The following NCAPD3 variants were observed in gnomAD, a reference collection of about 807,000 sequenced individuals.
The protein encoded by NCAPD3 is condensin-2 complex subunit D3.
In NCAPD3, 105 loss-of-function variants were observed where a neutral mutation model predicts 182.9. The ratio of observed to expected loss-of-function variants is 0.57; its 90% CI spans 0.49 to 0.68. NCAPD3 has a LOEUF of 0.68. Ranked by LOEUF, NCAPD3 falls within the 30% of genes least tolerant of loss-of-function variation. The probability of loss-of-function intolerance (pLI) is 0.00; values close to 1 mark genes in which losing one functional copy is unlikely to be tolerated. For synonymous variants in NCAPD3, 815 were observed against 679.9 expected, an observed-to-expected ratio of 1.20 and a Z score of -3.09; for missense variants, 1,944 against 1,837.0, an observed-to-expected ratio of 1.06 and a Z score of -1.07.
At chr11:134,169,607 G>C (rs1943957615) in intron 24 of NCAPD3, among the ~76,000 whole-genome samples, 1 of 152,150 alleles carries the variant, frequency 6.6e-6, no homozygotes, top group South Asian at 2.1e-4. Flanking sequence ...ATGCGCTTTG[G>C]AATCACCAGC....
chr11:134,191,720 G>A lies in NCAPD3; in HGVS notation c.2045+969C>T, dbSNP rs186240012. Among the ~76,000 whole-genome samples the A allele has an allele frequency of 4.2e-3, 637 of 152,282 alleles. 4 individuals carry two copies. The highest frequency in any genetic ancestry group is 0.015 in the African/African-American group (610 of 41,564). ...AATCTCTCCATTCTAGAAATCTCAG[G>A]AAAGCATAGGGTGGGTAGAGGTTGA... On this transcript the variant is annotated intron_variant, in intron 16 of 34. Transcript: ENST00000534548.
At chr11:134,225,168 C>T (rs1207761666), upstream of NCAPD3, 3 of 1,613,988 alleles carry the variant, frequency 1.9e-6, no homozygotes, top group Non-Finnish European at 2.5e-6. Flanking sequence ...GGAAATCCTT[C>T]TGAACGATGC....
Position 134,161,781 on chromosome 11 carries a change from CCT to C in NCAPD3, c.3682_3683del (p.Arg1228GlyfsTer9), listed in dbSNP as rs1399698581. 2 of 1,536,668 alleles carry C rather than the reference CCT, an allele frequency of 1.3e-6. No homozygotes were observed. Among genetic ancestry groups the C allele is most frequent in the Non-Finnish European group, 1.8e-6 (2 of 1,113,784 alleles). Reference protein sequence around the residue: ...PALRELMHYLREVMQDYRDEL... With the variant: ...PALRELMHYLXEVMQDYRDEL... ...ACAAAAGCACAGGCTCCACCCTTACCCTGAGATAGTGCATGAGTTCCCGCAAA... is the reference window on the plus strand; with the variant it reads ...ACAAAAGCACAGGCTCCACCCTTACCGAGATAGTGCATGAGTTCCCGCAAA... On this transcript the variant is annotated frameshift_variant and splice_region_variant, in exon 28 of 35. Transcript: ENST00000534548. LOFTEE classifies it high-confidence loss of function.
chr11:134,173,973 AAAAC>A (rs1036173379), intron 24 of NCAPD3, among the ~76,000 whole-genome samples: 5 of 151,874 alleles, frequency 3.3e-5, no homozygotes, highest in Non-Finnish European at 4.4e-5. Flanking sequence ...AAAAAAAAAG[AAAAC>A]AAACAAAAAA....
upstream of NCAPD3, chr11:134,224,664 C>G (rs1416521807): frequency 6.6e-6 from 1 of 152,256 alleles, no homozygotes; most frequent in East Asian, 1.9e-4. Flanking sequence ...CGCCCCCTCC[C>G]CCGCCCGGAG....
intron 3 of NCAPD3, among the ~76,000 whole-genome samples, chr11:134,212,375 T>TG (rs1937866526): frequency 8.4e-5 from 12 of 143,168 alleles, no homozygotes; most frequent in Non-Finnish European, 1.4e-4. Context: ...TTTTGTTGTT[T>TG]TGTGTGTGTG....
rs537774031 is a variant in NCAPD3 at position 134,153,448 on chromosome 11, G to A, written c.4253-85C>T. Reference sequence around the variant, plus strand: ...CTAGTTGTCCGTGGGACGTAGGCAGGGTGTCCACATCAGTGTCCCAGCGGC... The same window carrying A: ...CTAGTTGTCCGTGGGACGTAGGCAGAGTGTCCACATCAGTGTCCCAGCGGC... On this transcript the variant is annotated intron_variant, in intron 32 of 34. Coordinates refer to ENST00000534548, the MANE Select transcript of NCAPD3 (RefSeq NM_015261.3). The A allele has an allele frequency of 9.4e-6, 13 of 1,386,292 alleles. No homozygotes were observed. The African/African-American group carries it at 1.3e-4, about 14-fold the overall frequency. 85.9% of individuals were successfully genotyped at this position (1,386,292 alleles called of 1,614,324 possible). A position where few individuals can be genotyped will look rare whatever the true frequency, so the allele number is the denominator to read the frequency against.
At position 134,192,898 on chromosome 11, in the gene NCAPD3, T is replaced by G. The variant is rs1349609395; in HGVS notation, c.1836A>C (p.Arg612Ser). The change falls in exon 16 of 35, where the codon AGA becomes AGC. Residue 612 changes from arginine (R) to serine (S), a missense_variant. This residue lies in a region of NCAPD3 where 1,803 missense variants were observed against 1,674.6 expected (regional missense o/e 1.08). Transcript: ENST00000534548. ...SLTELLMAQP[R>S]CVQIQKAWLR... Reference sequence around the variant, plus strand: ...ACCAGGCTTTCTGGATCTGCACGCATCTAGGCTGAGCCTTAGGAGTGAAAG... The same window carrying G: ...ACCAGGCTTTCTGGATCTGCACGCAGCTAGGCTGAGCCTTAGGAGTGAAAG... 1 of 1,605,692 alleles carries G rather than the reference T, an allele frequency of 6.2e-7. No homozygotes were observed. Among genetic ancestry groups the G allele is most frequent in the African/African-American group, 1.3e-5 (1 of 74,698 alleles).
chr11:134,183,221 T>G lies in NCAPD3; in HGVS notation c.2451+1416A>C. ...TAGTCCCAGCTCTGCCGGTAGTAAG[T>G]TGTGTACCACTGAGCCTGGAAGGCT... On this transcript the variant is annotated intron_variant, in intron 19 of 34. Transcript: ENST00000534548. 3 of 454,348 alleles carry G rather than the reference T, an allele frequency of 6.6e-6. No individual in the cohort carries two copies. The Admixed American group carries it at 7.1e-5, about 11-fold the overall frequency. The allele number at this position is 454,348 out of a possible 1,614,324, so 28.1% of individuals were successfully genotyped here. A position where few individuals can be genotyped will look rare whatever the true frequency, so the allele number is the denominator to read the frequency against.
intron 27 of NCAPD3, among the ~76,000 whole-genome samples, chr11:134,166,639 A>T (rs1591828066): frequency 1.8e-5 from 1 of 55,338 alleles, no homozygotes; most frequent in East Asian, 6.0e-4. Context: ...TAGTGAGATG[A>T]GCTTGGGGGA....
chr11:134,205,367 C>G (rs1210345871), intron 8 of NCAPD3, among the ~76,000 whole-genome samples: 1 of 152,014 alleles, frequency 6.6e-6, no homozygotes, highest in Non-Finnish European at 1.5e-5. Context: ...CAAACTTTAA[C>G]CCAATAAGAA....
At position 134,152,517 on chromosome 11, in the gene NCAPD3, TAGAAA is replaced by T. The variant is rs1297498435; in HGVS notation, c.*422_*426del. On this transcript the variant is annotated 3_prime_UTR_variant, in exon 35 of 35. Coordinates refer to ENST00000534548, the MANE Select transcript of NCAPD3 (RefSeq NM_015261.3). The stretch of plus-strand genomic sequence containing the variant: ...TTAAAAAATTTGCACTTATAAATAA[TAGAAA>T]AAATATTAGAATCAAAATTTCGTCA... 3 of 154,098 alleles carry T rather than the reference TAGAAA, an allele frequency of 1.9e-5. No homozygotes were observed. The highest frequency in any genetic ancestry group is 7.2e-5 in the African/African-American group (3 of 41,538). The allele number at this position is 154,098 out of a possible 1,614,324, so 9.5% of individuals were successfully genotyped here. A position where few individuals can be genotyped will look rare whatever the true frequency, so the allele number is the denominator to read the frequency against.
chr11:134,153,333 C>G lies in NCAPD3; in HGVS notation c.4283G>C (p.Gly1428Ala), dbSNP rs1226535740. Residue 1428 changes from glycine to alanine, a missense_variant, in exon 33 of 35, where the codon GGG (glycine) becomes GCG (alanine). Coordinates refer to ENST00000534548, the MANE Select transcript of NCAPD3 (RefSeq NM_015261.3). ...CCGTGGTGTCCCGATGTAACTGACC[C>G]CTGCTCCAAACGTGACATCACTGAT... is the stretch of plus-strand genomic sequence containing the variant. ...KSISDVTFGA[G>A]VSYIGTPRTP... 26 of 1,614,040 alleles carry G rather than the reference C, an allele frequency of 1.6e-5. No homozygotes were observed. The highest frequency in any genetic ancestry group is 2.1e-5 in the Non-Finnish European group (25 of 1,180,032).
chr11:134,215,063 TA>T (rs1937965627), intron 3 of NCAPD3, among the ~76,000 whole-genome samples: 1 of 152,242 alleles, frequency 6.6e-6, no homozygotes, highest in South Asian at 2.1e-4. Context: ...TCAACCAATG[TA>T]ATATACTATA....
intron 13 of NCAPD3, among the ~76,000 whole-genome samples, chr11:134,200,920 G>A (rs1001030598): frequency 1.3e-5 from 2 of 152,148 alleles, no homozygotes; most frequent in African/African-American, 4.8e-5. Flanking sequence ...ACTGATAGAT[G>A]CTATAACATG....
In NCAPD3 at chr11:134,156,999, G is replaced by C. The variant is rs754201515; in HGVS notation, c.4252+19C>G. On this transcript the variant is annotated intron_variant, in intron 32 of 34. Transcript: ENST00000534548. Reference sequence around the variant, plus strand: ...GGAGAGACTGAGGAGAAGCCCACGTGTTCCGATCAGTTACTCACTCTCGGG... The same window carrying C: ...GGAGAGACTGAGGAGAAGCCCACGTCTTCCGATCAGTTACTCACTCTCGGG... 6.3e-7 allele frequency: 1 copy of C among 1,595,126 alleles called. No individual in the cohort carries two copies. Among genetic ancestry groups the C allele is most frequent in the South Asian group, 1.1e-5 (1 of 90,402 alleles).
intron 7 of NCAPD3, among the ~76,000 whole-genome samples, chr11:134,207,768 C>A (rs1368778787): frequency 1.3e-4 from 17 of 128,540 alleles, no homozygotes; most frequent in Non-Finnish European, 2.3e-4. Flanking sequence ...AAAAAAAAAA[C>A]CATCTTTAGA....
chr11:134,166,766 A>G (rs1943823897), intron 27 of NCAPD3, among the ~76,000 whole-genome samples: 1 of 110,526 alleles, frequency 9.0e-6, no homozygotes, highest in African/African-American at 3.8e-5. Context: ...CACTCGTGAG[A>G]TGAGCTTGGG....
Position 134,161,821 on chromosome 11 carries a change from T to C in NCAPD3, c.3644A>G (p.Asn1215Ser). The change falls in exon 28 of 35, where the codon AAT becomes AGT. Residue 1215 changes from asparagine (N) to serine (S), a missense_variant. Around this residue, in one of 3 missense-constraint regions of NCAPD3, gnomAD observed 1,803 missense variants for 1,674.6 expected, o/e 1.08. Transcript: ENST00000534548. ...GAGTTCCCGCAAAGCTGGGATCTTA[T>C]TTTTCTCCAGCACAGTCTTCAGGGA... is the stretch of plus-strand genomic sequence containing the variant. ...IISLKTVLEK[N>S]KIPALRELMH... 6.3e-7 allele frequency: 1 copy of C among 1,594,532 alleles called. No individual in the cohort carries two copies. Among genetic ancestry groups the C allele is most frequent in the Non-Finnish European group, 8.6e-7 (1 of 1,165,518 alleles).
Sources: gnomAD v4.1 joint callset for allele counts (sites outside exome capture counted in the v4.1 genomes callset) on GRCh38, gnomAD v4.1.1 for gene constraint, gnomAD v4.1.1 regional missense constraint, MANE v1.5 for transcripts, NCBI Gene and HGNC (gene_info 2026-07-23, HGNC 2026-07-21) for gene names.